EXOC6B: variants seen among roughly 807,000 people sequenced by gnomAD.
EXOC6B encodes SEC15 homolog B.
A neutral mutation model predicts 113.5 loss-of-function variants in EXOC6B; 54 were observed. That is an observed-to-expected ratio of 0.48 (90% CI 0.38 to 0.60). The LOEUF (loss-of-function observed/expected upper bound fraction) is 0.60. EXOC6B is among the 20% of genes least tolerant of loss of function. EXOC6B has a pLI of 0.00. For synonymous variants in EXOC6B, 357 were observed against 339.0 expected (o/e 1.05, Z -0.58); for missense variants, 797 against 977.5 (o/e 0.82, Z 2.46).
At chr2:72,464,775 A>T (rs1697932562) in intron 18 of EXOC6B, 1 of 194,850 alleles carries the variant, frequency 5.1e-6, no homozygotes, top group Admixed American at 5.6e-5. Flanking sequence ...AAGATGGAGC[A>T]TTTCATCAAA....
chr2:72,701,968 T>G (rs1294193076), intron 6 of EXOC6B, among the ~76,000 whole-genome samples: 3 of 151,858 alleles, frequency 2.0e-5, no homozygotes, highest in Non-Finnish European at 4.4e-5. Flanking sequence ...ATGTGCACAT[T>G]GTGCAGGTTA....
chr2:72,476,352 A>T (rs903682313), intron 17 of EXOC6B, among the ~76,000 whole-genome samples: 1 of 152,060 alleles, frequency 6.6e-6, no homozygotes, highest in African/African-American at 2.4e-5. Context: ...ATTGAATTAC[A>T]GTGTTCTCTC....
chr2:72,710,348 CTT>C (rs1679192127), intron 6 of EXOC6B, among the ~76,000 whole-genome samples: 1 of 151,834 alleles, frequency 6.6e-6, no homozygotes, highest in Admixed American at 6.6e-5. Flanking sequence ...TATATGTGTG[CTT>C]TTTCACTGAA....
At chr2:72,633,622 A>G (rs1000909558) in intron 6 of EXOC6B, among the ~76,000 whole-genome samples, 6 of 152,202 alleles carry the variant, frequency 3.9e-5, no homozygotes, top group Non-Finnish European at 7.3e-5. Context: ...TTTGCCTTAT[A>G]GGTTTATCTA....
At chr2:72,356,150 C>T (rs1046511657) in intron 19 of EXOC6B, among the ~76,000 whole-genome samples, 29 of 152,060 alleles carry the variant, frequency 1.9e-4, no homozygotes, top group African/African-American at 6.5e-4. Context: ...TCACGTAAAG[C>T]CAACTTTTAT....
chr2:72,348,597 A>C (rs1033918907), intron 19 of EXOC6B, among the ~76,000 whole-genome samples: 1 of 152,112 alleles, frequency 6.6e-6, no homozygotes, highest in African/African-American at 2.4e-5. Context: ...AAGCAATAGG[A>C]TATAACGTTT....
chr2:72,741,847 C>G (rs559972776), intron 1 of EXOC6B, among the ~76,000 whole-genome samples: 1 of 152,326 alleles, frequency 6.6e-6, no homozygotes, highest in African/African-American at 2.4e-5. Flanking sequence ...AAAAAACACA[C>G]AGCTGTGCTG....
intron 18 of EXOC6B, among the ~76,000 whole-genome samples, chr2:72,406,077 A>C (rs1199563791): frequency 6.6e-6 from 1 of 152,216 alleles, no homozygotes; most frequent in Non-Finnish European, 1.5e-5. Context: ...AACAGACTTT[A>C]AACCAACAAA....
At chr2:72,651,778 G>C (rs1674183657) in intron 6 of EXOC6B, among the ~76,000 whole-genome samples, 1 of 152,114 alleles carries the variant, frequency 6.6e-6, no homozygotes, top group Non-Finnish European at 1.5e-5. Flanking sequence ...TGTACTTTTA[G>C]TAGAGACGGG....
chr2:72,558,630 G>A (rs558344128), intron 8 of EXOC6B, among the ~76,000 whole-genome samples: 6 of 152,206 alleles, frequency 3.9e-5, no homozygotes, highest in Admixed American at 1.3e-4. Flanking sequence ...TTAGCTGAGC[G>A]TGGTGGCACA....
intron 19 of EXOC6B, among the ~76,000 whole-genome samples, chr2:72,361,697 C>G (rs1415963886): frequency 6.6e-6 from 1 of 152,160 alleles, no homozygotes; most frequent in East Asian, 1.9e-4. Flanking sequence ...AGTGACAAAA[C>G]CACAAGCAAG....
chr2:72,312,256 G>T (rs1687231895), intron 20 of EXOC6B, among the ~76,000 whole-genome samples: 1 of 151,182 alleles, frequency 6.6e-6, no homozygotes, highest in South Asian at 2.1e-4. Flanking sequence ...CCTTACCTCA[G>T]ATTTTCAAAA....
At chr2:72,708,828 C>T (rs191934706) in intron 6 of EXOC6B, among the ~76,000 whole-genome samples, 1 of 151,300 alleles carries the variant, frequency 6.6e-6, no homozygotes, top group Non-Finnish European at 1.5e-5. Flanking sequence ...CTCCTGGGCT[C>T]AACCCATCCT....
At chr2:72,184,224 A>C in intron 20 of EXOC6B, 37 bp from the exon 21 acceptor site, 1 of 1,080,186 alleles carries the variant, frequency 9.3e-7, no homozygotes, top group Non-Finnish European at 1.4e-6. Context: ...GGGATTAGTC[A>C]GACAGACAAG....
chr2:72,268,660 C>A lies in EXOC6B; in HGVS notation c.2196+66287G>T, dbSNP rs533282104. Among the ~76,000 whole-genome samples, 12 of 152,028 alleles carry A rather than the reference C, an allele frequency of 7.9e-5. No individual in the cohort carries two copies. The South Asian group carries it at 1.0e-3, about 13-fold the overall frequency. The stretch of plus-strand genomic sequence containing the variant: ...AGGGACTGGTAGGAGGTGTTTGGGT[C>A]ATGGGGGCGGATCCCTCATGAATGA... On this transcript the variant is annotated intron_variant, in intron 20 of 21. Coordinates refer to ENST00000272427, the MANE Select transcript of EXOC6B (RefSeq NM_015189.3).
chr2:72,184,889 A>T (rs1678323498), intron 20 of EXOC6B, among the ~76,000 whole-genome samples: 1 of 152,224 alleles, frequency 6.6e-6, no homozygotes, highest in South Asian at 2.1e-4. Context: ...TTGAGGACAC[A>T]GAGTCTAGCT....
At chr2:72,816,110 G>A (rs1256288822) in intron 1 of EXOC6B, among the ~76,000 whole-genome samples, 1 of 152,204 alleles carries the variant, frequency 6.6e-6, no homozygotes, top group Non-Finnish European at 1.5e-5. Context: ...AGTAAGCAGA[G>A]ATTGCGCCAC....
At chr2:72,673,045 A>G (rs78756242) in intron 6 of EXOC6B, among the ~76,000 whole-genome samples, 4,392 of 152,298 alleles carry the variant, frequency 0.029, 214 homozygotes, top group African/African-American at 0.099. Context: ...ATACCCTGAA[A>G]ATATGTGCAT....
intron 2 of EXOC6B, among the ~76,000 whole-genome samples, chr2:72,735,914 G>A (rs1680924066): frequency 6.6e-6 from 1 of 152,000 alleles, no homozygotes; most frequent in Non-Finnish European, 1.5e-5. Context: ...GCCAGGCGCA[G>A]TGGCTCACAC....
Sources: gnomAD v4.1 joint callset for allele counts (sites outside exome capture counted in the v4.1 genomes callset) on GRCh38, gnomAD v4.1.1 for gene constraint, MANE v1.5 for transcripts, NCBI Gene and HGNC (gene_info 2026-07-23, HGNC 2026-07-21) for gene names.